SLC22A25: variants seen among roughly 807,000 people sequenced by gnomAD.
SLC22A25 encodes the protein solute carrier family 22 member 25.
Under a neutral mutation model 45.9 loss-of-function variants are expected in SLC22A25, and 44 were observed. That is an observed-to-expected ratio of 0.96 (90% CI 0.75 to 1.23). The LOEUF (loss-of-function observed/expected upper bound fraction) is 1.23. Ranked by LOEUF, SLC22A25 falls within the 50% of genes most tolerant of loss-of-function variation. SLC22A25 has a pLI of 0.00. For synonymous variants in SLC22A25, 283 were observed against 238.6 expected (o/e 1.19, Z -1.72); for missense variants, 800 against 666.4 (o/e 1.20, Z -2.21).
intron 8 of SLC22A25, among the ~76,000 whole-genome samples, chr11:63,181,529 A>C (rs778194913): frequency 6.6e-6 from 1 of 151,672 alleles, no homozygotes; most frequent in Admixed American, 6.6e-5. Context: ...GATGAGAATG[A>C]TGGATGAAGC....
intron 7 of SLC22A25, among the ~76,000 whole-genome samples, chr11:63,185,911 T>C (rs2088522057): frequency 1.3e-5 from 2 of 150,960 alleles, no homozygotes; most frequent in Non-Finnish European, 3.0e-5. Flanking sequence ...CCATGGTGTA[T>C]ATGTGCCACA....
intron 7 of SLC22A25, among the ~76,000 whole-genome samples, chr11:63,212,134 G>C (rs1451869728): frequency 6.6e-6 from 1 of 152,116 alleles, no homozygotes; most frequent in Non-Finnish European, 1.5e-5. Flanking sequence ...TCTCACACCA[G>C]TTAGAATGGC....
intron 5 of SLC22A25, among the ~76,000 whole-genome samples, chr11:63,218,966 G>C (rs1207629403): frequency 6.6e-6 from 1 of 152,192 alleles, no homozygotes; most frequent in African/African-American, 2.4e-5. Context: ...TGTTCTTGCA[G>C]ATGGCATGAT....
intron 5 of SLC22A25, among the ~76,000 whole-genome samples, chr11:63,223,087 C>CT (rs1048789564): frequency 6.6e-5 from 10 of 151,486 alleles, no homozygotes; most frequent in South Asian, 2.1e-4. Flanking sequence ...CTGTAGTTTT[C>CT]TTTTTTTTGA....
At chr11:63,192,010 C>A (rs570376300) in intron 7 of SLC22A25, among the ~76,000 whole-genome samples, 1 of 152,218 alleles carries the variant, frequency 6.6e-6, no homozygotes, top group South Asian at 2.1e-4. Flanking sequence ...ACAAGAAGAT[C>A]ATCTTCAAAA....
intron 5 of SLC22A25, among the ~76,000 whole-genome samples, chr11:63,224,604 T>C (rs1476515543): frequency 1.3e-5 from 2 of 152,184 alleles, no homozygotes; most frequent in Non-Finnish European, 2.9e-5. Flanking sequence ...CCATTGTATG[T>C]TTTTAGATTT....
Position 63,162,425 on chromosome 11 carries a change from T to G in SLC22A25, c.*1399A>C, listed in dbSNP as rs192951676. Reference sequence around the variant, plus strand: ...GTCTTAGATTCAAGTTTTTAATGCATTTTGATTTGATTTTTGTATATGGTG... The same window carrying G: ...GTCTTAGATTCAAGTTTTTAATGCAGTTTGATTTGATTTTTGTATATGGTG... On this transcript the variant is annotated 3_prime_UTR_variant, in exon 12 of 12. Transcript: ENST00000306494. 6.6e-6 allele frequency among the ~76,000 whole-genome samples: 1 copy of G among 152,286 alleles called. No homozygotes were observed. The highest frequency in any genetic ancestry group is 6.5e-5 in the Admixed American group (1 of 15,288).
intron 8 of SLC22A25, among the ~76,000 whole-genome samples, chr11:63,183,436 C>T (rs1334691113): frequency 2.0e-5 from 3 of 151,956 alleles, no homozygotes; most frequent in Non-Finnish European, 4.4e-5. Flanking sequence ...TAGAGTGAGT[C>T]CAGTGCAAAA....
chr11:63,224,335 T>C (rs901895360), intron 5 of SLC22A25, among the ~76,000 whole-genome samples: 2 of 152,134 alleles, frequency 1.3e-5, no homozygotes, highest in African/African-American at 4.8e-5. Context: ...ATAGATAAGA[T>C]GCATTTCTTG....
chr11:63,170,814 T>TTTTTTTTTTTTTTTTTTTTTTGAGACG (rs2087852049), intron 9 of SLC22A25, among the ~76,000 whole-genome samples: 1 of 152,046 alleles, frequency 6.6e-6, no homozygotes, highest in African/African-American at 2.4e-5. Context: ...ACATATTTTA[T>TTTTTTTTTTTTTTTTTTTTTTGAGACG]GAGGCCAGCA....
chr11:63,200,129 TAGA>T (rs2089193000), intron 7 of SLC22A25, among the ~76,000 whole-genome samples: 1 of 151,080 alleles, frequency 6.6e-6, no homozygotes, highest in Non-Finnish European at 1.5e-5. Context: ...AATTGAGGAG[TAGA>T]AACTCCTCCC....
chr11:63,174,489 G>A (rs896516405), intron 9 of SLC22A25, among the ~76,000 whole-genome samples: 3 of 152,044 alleles, frequency 2.0e-5, no homozygotes, highest in Admixed American at 1.3e-4. Context: ...GGACAACTAG[G>A]CACTAGCTGT....
intron 5 of SLC22A25, among the ~76,000 whole-genome samples, chr11:63,223,878 T>C (rs2089904038): frequency 6.6e-6 from 1 of 152,108 alleles, no homozygotes; most frequent in Non-Finnish European, 1.5e-5. Flanking sequence ...TACCCACTAG[T>C]CATTCAGGAG....
intron 9 of SLC22A25, chr11:63,166,790 A>G (rs2087699270): frequency 1.0e-6 from 1 of 984,578 alleles, no homozygotes; most frequent in Admixed American, 6.1e-5. Flanking sequence ...AGATTAGAAT[A>G]AGAAAACCTA....
chr11:63,201,741 A>T (rs1021977447), intron 7 of SLC22A25, among the ~76,000 whole-genome samples: 17 of 152,182 alleles, frequency 1.1e-4, no homozygotes, highest in African/African-American at 3.9e-4. Context: ...ATGGGAGAAA[A>T]TTTTTGCAAA....
In SLC22A25 at chr11:63,243,594, TG is replaced by T. The variant is rs2090287690; in HGVS notation, c.-1157del. 2 of 768,594 alleles carry T rather than the reference TG, an allele frequency of 2.6e-6. No individual in the cohort carries two copies. Among genetic ancestry groups the T allele is most frequent in the Admixed American group, 3.4e-5 (2 of 58,142 alleles). The allele number at this position is 768,594 out of a possible 1,614,324, so 47.6% of individuals were successfully genotyped here. A position where few individuals can be genotyped will look rare whatever the true frequency, so the allele number is the denominator to read the frequency against. On this transcript the variant is annotated 5_prime_UTR_variant, in exon 1 of 12. Transcript: ENST00000306494. ...AACTCCATCAAGCCTCAGGAGCTGC[TG>T]GAGTGGGAACTGGTGGTGTTGGGAA...
At chr11:63,164,883 T>C (rs564062997) in intron 10 of SLC22A25, among the ~76,000 whole-genome samples, 1 of 152,232 alleles carries the variant, frequency 6.6e-6, no homozygotes, top group South Asian at 2.1e-4. Context: ...ATATCAGGGG[T>C]ATGCCATAGC....
At chr11:63,239,995 T>C (rs1489217217) in intron 1 of SLC22A25, among the ~76,000 whole-genome samples, 3 of 152,218 alleles carry the variant, frequency 2.0e-5, no homozygotes, top group African/African-American at 7.2e-5. Flanking sequence ...GATTTTGTTG[T>C]GTGAACATCA....
intron 3 of SLC22A25, among the ~76,000 whole-genome samples, chr11:63,236,571 C>A (rs916366220): frequency 4.6e-5 from 7 of 152,124 alleles, no homozygotes; most frequent in Admixed American, 2.0e-4. Flanking sequence ...AAAGGGAATT[C>A]GCTGACCCCT....
Sources: allele counts gnomAD v4.1 joint callset (sites outside exome capture counted in the v4.1 genomes callset), GRCh38; gene constraint gnomAD v4.1.1; transcripts MANE v1.5; gene names NCBI Gene and HGNC (gene_info 2026-07-23, HGNC 2026-07-21).